Variants in CBL observed in about 807,000 individuals in gnomAD.
CBL encodes Cbl proto-oncogene, also known as E3 ubiquitin-protein ligase CBL.
Under a neutral mutation model 96.9 loss-of-function variants are expected in CBL, and 45 were observed. That is an observed-to-expected ratio of 0.46 (90% confidence interval 0.37 to 0.60). CBL has a LOEUF of 0.60. CBL is among the 20% of genes least tolerant of loss of function. CBL has a pLI of 0.00. For synonymous variants in CBL, 420 were observed against 426.8 expected (o/e 0.98, Z 0.20); for missense variants, 1,024 against 1,143.5 (o/e 0.90, Z 1.51).
chr11:119,270,109 T>G (rs1321561160), intron 2 of CBL, among the ~76,000 whole-genome samples: 2 of 152,146 alleles, frequency 1.3e-5, no homozygotes, highest in Non-Finnish European at 2.9e-5. Context: ...GCTTGTTTAG[T>G]GTAATAGTAT....
intron 9 of CBL, among the ~76,000 whole-genome samples, chr11:119,282,907 G>A (rs1007196498): frequency 6.6e-6 from 1 of 151,550 alleles, no homozygotes; most frequent in African/African-American, 2.4e-5. Context: ...AACATGACAA[G>A]ACCCCGTCTA....
chr11:119,247,712 A>G (rs1592384946), intron 2 of CBL, among the ~76,000 whole-genome samples: 1 of 152,098 alleles, frequency 6.6e-6, no homozygotes, highest in South Asian at 2.1e-4. Flanking sequence ...TTGGGAGGCT[A>G]AGGCAGGAGA....
intron 6 of CBL, among the ~76,000 whole-genome samples, chr11:119,277,237 T>G (rs1176466673): frequency 1.7e-5 from 1 of 57,882 alleles, no homozygotes; most frequent in Non-Finnish European, 3.2e-5. Flanking sequence ...TAAGAATCTG[T>G]CGCGCACACA....
At chr11:119,257,121 A>G (rs1380173495) in intron 2 of CBL, among the ~76,000 whole-genome samples, 1 of 152,230 alleles carries the variant, frequency 6.6e-6, no homozygotes, top group African/African-American at 2.4e-5. Flanking sequence ...TGGCAGACCT[A>G]CATTTAGTTC....
At chr11:119,222,877 A>C (rs1949422195) in intron 1 of CBL, among the ~76,000 whole-genome samples, 1 of 152,108 alleles carries the variant, frequency 6.6e-6, no homozygotes, top group Non-Finnish European at 1.5e-5. Flanking sequence ...TAATATCGAG[A>C]GTATCAAGAG....
In CBL at chr11:119,299,486, T is replaced by C. The variant is rs1278296714; in HGVS notation, c.2435-9T>C. On this transcript the variant is annotated splice_polypyrimidine_tract_variant and intron_variant, in intron 15 of 15. Coordinates refer to ENST00000264033, the MANE Select transcript of CBL (RefSeq NM_005188.4). ...GATTTGCAAATATTTTCTTTCCTATTTCTTCTAGATGTCACTGAAGGTTCC... is the reference window on the plus strand; with the variant it reads ...GATTTGCAAATATTTTCTTTCCTATCTCTTCTAGATGTCACTGAAGGTTCC... 6.2e-7 allele frequency: 1 copy of C among 1,613,408 alleles called. No homozygotes were observed.
chr11:119,266,453 T>C (rs1949803948), intron 2 of CBL, among the ~76,000 whole-genome samples: 1 of 152,214 alleles, frequency 6.6e-6, no homozygotes, highest in Admixed American at 6.5e-5. Context: ...CTATAGTTGC[T>C]CATTTAATTT....
chr11:119,297,343 C>G (rs1950071167), intron 13 of CBL, 41 bp from the exon 14 acceptor site: 4 of 1,413,078 alleles, frequency 2.8e-6, no homozygotes, highest in Admixed American at 1.7e-5. Flanking sequence ...GATAACAGTT[C>G]TATTTCCAAA....
At chr11:119,291,144 C>G (rs1005066065) in intron 12 of CBL, among the ~76,000 whole-genome samples, 5 of 152,234 alleles carry the variant, frequency 3.3e-5, no homozygotes, top group Admixed American at 2.0e-4. Flanking sequence ...CGCCTGTAAT[C>G]CCAACACTTT....
At chr11:119,220,489 C>T (rs987681016) in intron 1 of CBL, among the ~76,000 whole-genome samples, 1 of 152,154 alleles carries the variant, frequency 6.6e-6, no homozygotes. Context: ...GTCCCAGCTA[C>T]TGGGGAGGCT....
At chr11:119,261,002 T>C (rs964964901) in intron 2 of CBL, among the ~76,000 whole-genome samples, 4 of 140,608 alleles carry the variant, frequency 2.8e-5, no homozygotes, top group African/African-American at 5.3e-5. Context: ...AACCTCTGCT[T>C]CCCAGGTTCA....
chr11:119,269,408 A>G (rs893470270), intron 2 of CBL, among the ~76,000 whole-genome samples: 6 of 152,002 alleles, frequency 3.9e-5, no homozygotes, highest in Non-Finnish European at 8.8e-5. Context: ...TTTAGTAGAA[A>G]TGGCCAGGCT....
chr11:119,288,770 G>A (rs1950003999), intron 12 of CBL, among the ~76,000 whole-genome samples: 1 of 152,064 alleles, frequency 6.6e-6, no homozygotes, highest in South Asian at 2.1e-4. Context: ...GTATTTTTGA[G>A]CCAAACTTGG....
chr11:119,275,023 A>G (rs927136981), intron 5 of CBL, 70 bp downstream of exon 5: 9 of 1,554,602 alleles, frequency 5.8e-6, no homozygotes, highest in Non-Finnish European at 7.1e-6. Context: ...CTAGTATAGA[A>G]GAAACATGAC....
chr11:119,211,086 TG>T (rs756337706), intron 1 of CBL, among the ~76,000 whole-genome samples: 19 of 152,100 alleles, frequency 1.2e-4, no homozygotes, highest in Non-Finnish European at 2.8e-4. Flanking sequence ...AATATCTTAT[TG>T]TAGGCTGGGC....
intron 2 of CBL, among the ~76,000 whole-genome samples, chr11:119,251,490 C>A (rs1949669540): frequency 6.6e-6 from 1 of 152,136 alleles, no homozygotes; most frequent in Non-Finnish European, 1.5e-5. Flanking sequence ...AGAAGTGATT[C>A]TTTGGAGGCC....
Position 119,206,378 on chromosome 11 carries a change from G to T in CBL, c.-40G>T. The T allele has an allele frequency of 1.4e-6, 2 of 1,446,398 alleles. No homozygotes were observed. The highest frequency in any genetic ancestry group is 1.8e-6 in the Non-Finnish European group (2 of 1,094,962). The allele number at this position is 1,446,398 out of a possible 1,614,324, so 89.6% of individuals were successfully genotyped here. A position where few individuals can be genotyped will look rare whatever the true frequency, so the allele number is the denominator to read the frequency against. On this transcript the variant is annotated 5_prime_UTR_variant, in exon 1 of 16. Transcript: ENST00000264033. ...TCTCTCCCTCGCTCGCAGTCGAGCC[G>T]AGCCGGCGGACCCGCCTGGGCTCCG... is the stretch of plus-strand genomic sequence containing the variant.
Position 119,271,779 on chromosome 11 carries a change from C to A in CBL, c.488C>A (p.Ala163Glu). The A allele has an allele frequency of 5.0e-6, 8 of 1,613,924 alleles. No homozygotes were observed. Among genetic ancestry groups the A allele is most frequent in the Non-Finnish European group, 6.8e-6 (8 of 1,179,872 alleles). ...KLSLIFSHML[A>E]ELKGIFPSGL... The stretch of plus-strand genomic sequence containing the variant: ...TCCCTCATCTTCAGCCACATGCTGG[C>A]AGAACTAAAAGGAATCTTTCCAAGT... Residue 163 changes from alanine to glutamate, a missense_variant, in exon 3 of 16, where the codon GCA becomes GAA. By Grantham distance (107) the Ala-to-Glu change is moderately radical. Around this residue, in one of 4 missense-constraint regions of CBL, gnomAD observed 192 missense variants for 321.8 expected, o/e 0.60. Coordinates refer to ENST00000264033, the MANE Select transcript of CBL (RefSeq NM_005188.4).
rs1950128359 is a variant in CBL at position 119,305,422 on chromosome 11, A to G, written c.*5641A>G. 4.3e-6 allele frequency: 1 copy of G among 230,366 alleles called. No homozygotes were observed. 14.3% of individuals were successfully genotyped at this position (230,366 alleles called of 1,614,324 possible). A position where few individuals can be genotyped will look rare whatever the true frequency, so the allele number is the denominator to read the frequency against. ...ACGGGTTCCACTGTAGCCACTATCC[A>G]TGGACTTCTGGGTCCTCTTCAGGTT... On this transcript the variant is annotated 3_prime_UTR_variant, in exon 16 of 16. Coordinates refer to ENST00000264033, the MANE Select transcript of CBL (RefSeq NM_005188.4).
Sources: allele counts gnomAD v4.1 joint callset (sites outside exome capture counted in the v4.1 genomes callset), GRCh38; gene constraint gnomAD v4.1.1; regional missense constraint gnomAD v4.1.1; transcripts MANE v1.5; gene names NCBI Gene and HGNC (gene_info 2026-07-23, HGNC 2026-07-21).